Variants in FAT3 observed in about 807,000 individuals in gnomAD.
The protein encoded by FAT3 is FAT atypical cadherin 3, also known as protocadherin Fat 3.
Under a neutral mutation model 310.2 loss-of-function variants are expected in FAT3, and 95 were observed. The ratio of observed to expected loss-of-function variants is 0.31; its 90% CI spans 0.26 to 0.36. The LOEUF is 0.36. Among genes scored for constraint, FAT3 ranks in the 10% least tolerant of loss-of-function variants. FAT3 has a pLI of 1.00. For missense variants in FAT3, 5,408 were observed against 5,715.6 expected, an observed-to-expected ratio of 0.95 and a Z score of 1.74; for synonymous variants, 2,314 against 2,192.9, an observed-to-expected ratio of 1.06 and a Z score of -1.54.
chr11:92,889,020 G>A (rs1565682281), intron 25 of FAT3, among the ~76,000 whole-genome samples, 169 bp from the exon 26 acceptor site: 1 of 152,122 alleles, frequency 6.6e-6, no homozygotes, highest in East Asian at 1.9e-4. Flanking sequence ...TCTAGATAAA[G>A]GTGTCCACTG....
rs951211711 is a variant in FAT3 at position 92,766,708 on chromosome 11, A to G, written c.4195+1619A>G. On this transcript the variant is annotated intron_variant, in intron 6 of 27. Transcript: ENST00000525166. ...TTCATTGCTACTCAACATATTTGAA[A>G]TGAAACTTCTTCTGATCCATGAAAG... is the stretch of plus-strand genomic sequence containing the variant. 3 of 152,248 alleles carry G rather than the reference A, an allele frequency of 2.0e-5. No individual in the cohort carries two copies. In the East Asian group the frequency reaches 5.8e-4, roughly 29 times the overall value. 9.4% of individuals were successfully genotyped at this position (152,248 alleles called of 1,614,324 possible). A position where few individuals can be genotyped will look rare whatever the true frequency, so the allele number is the denominator to read the frequency against.
intron 22 of FAT3, among the ~76,000 whole-genome samples, chr11:92,875,755 G>A (rs1385132799): frequency 6.6e-6 from 1 of 152,146 alleles, no homozygotes; most frequent in Admixed American, 6.6e-5. Context: ...CTATGACTTA[G>A]GCACTCAGTC....
chr11:92,606,592 T>A (rs1336183721), intron 3 of FAT3, among the ~76,000 whole-genome samples: 1 of 152,196 alleles, frequency 6.6e-6, no homozygotes, highest in Non-Finnish European at 1.5e-5. Flanking sequence ...ATTTGTTGAG[T>A]GCTGTCTCAG....
chr11:92,270,191 T>C (rs1251228534), intron 1 of FAT3, among the ~76,000 whole-genome samples: 2 of 152,158 alleles, frequency 1.3e-5, no homozygotes, highest in African/African-American at 4.8e-5. Flanking sequence ...CTTTATATTC[T>C]GGACTTCAAT....
chr11:92,746,064 G>A lies in FAT3; in HGVS notation c.3670-15792G>A, dbSNP rs137891438. On this transcript the variant is annotated intron_variant, in intron 4 of 27. Transcript: ENST00000525166. ...GGTTCCCTTGGTTCCATGGATCAGA[G>A]CATTTTCAGTTTGAGCATTTTCAAA... Among the ~76,000 whole-genome samples, 255 of 152,340 alleles carry A rather than the reference G, an allele frequency of 1.7e-3. 1 individual carries two copies. Among genetic ancestry groups the A allele is most frequent in the African/African-American group, 5.6e-3 (231 of 41,578 alleles).
In FAT3 at chr11:92,750,178, C is replaced by G. The variant is rs1945791342; in HGVS notation, c.3670-11678C>G. On this transcript the variant is annotated intron_variant, in intron 4 of 27. Transcript: ENST00000525166. ...TTCTTCCCAGCCCAGAACCTGTCAG[C>G]TTGGCCCTGAGACTTTTGATAATGA... 2.0e-5 allele frequency among the ~76,000 whole-genome samples: 3 copies of G among 152,136 alleles called. No individual in the cohort carries two copies. The South Asian group carries it at 6.2e-4, about 32-fold the overall frequency.
At chr11:92,611,235 A>G (rs1357852774) in intron 3 of FAT3, among the ~76,000 whole-genome samples, 1 of 151,952 alleles carries the variant, frequency 6.6e-6, no homozygotes, top group East Asian at 1.9e-4. Flanking sequence ...GTGATCCTCC[A>G]TCCTCAGCCT....
At chr11:92,761,656 G>A (rs1384012369) in intron 4 of FAT3, among the ~76,000 whole-genome samples, 200 bp from the exon 5 acceptor site, 1 of 151,966 alleles carries the variant, frequency 6.6e-6, no homozygotes, top group Non-Finnish European at 1.5e-5. Context: ...ACCACATATG[G>A]GCAGTTAGAG....
chr11:92,338,859 C>T (rs1948164650), intron 1 of FAT3, among the ~76,000 whole-genome samples: 1 of 152,070 alleles, frequency 6.6e-6, no homozygotes, highest in African/African-American at 2.4e-5. Context: ...CCTTAATTAT[C>T]TGTTGTGGGT....
At chr11:92,856,836 C>T (rs1483448447) in intron 19 of FAT3, among the ~76,000 whole-genome samples, 1 of 152,104 alleles carries the variant, frequency 6.6e-6, no homozygotes, top group African/African-American at 2.4e-5. Flanking sequence ...ATTCAAATAG[C>T]CTCCAATCTG....
chr11:92,800,088 C>T lies in FAT3; in HGVS notation c.7075C>T (p.His2359Tyr), dbSNP rs80046666. ...AATGCTGGACCATGAGTTAGTACAA[C>T]ACTGCACTTTGAAAGTCAGATCAAT... Reference protein sequence around the residue: ...ARMLDHELVQHCTLKVRSIDS... With the variant: ...ARMLDHELVQYCTLKVRSIDS... The change falls in exon 10 of 28, where the codon CAC becomes TAC. Residue 2359 changes from histidine to tyrosine, a missense_variant. Transcript: ENST00000525166. 1.8e-3 allele frequency: 2,883 copies of T among 1,613,974 alleles called. 49 individuals carry two copies. In the African/African-American group the frequency reaches 0.033, roughly 18 times the overall value.
chr11:92,562,655 G>A (rs1474959870), intron 3 of FAT3, among the ~76,000 whole-genome samples: 1 of 152,192 alleles, frequency 6.6e-6, no homozygotes, highest in East Asian at 1.9e-4. Context: ...GTTAGAGTCA[G>A]AAGGCCTAAG....
At chr11:92,356,094 C>T (rs1850107198) in intron 2 of FAT3, among the ~76,000 whole-genome samples, 1 of 152,136 alleles carries the variant, frequency 6.6e-6, no homozygotes, top group Non-Finnish European at 1.5e-5. Context: ...ATTTTCATCG[C>T]TTCTGACTTA....
intron 2 of FAT3, among the ~76,000 whole-genome samples, chr11:92,380,000 G>A (rs1481622106): frequency 2.6e-5 from 4 of 152,052 alleles, no homozygotes; most frequent in African/African-American, 9.7e-5. Context: ...GGAAGTAACC[G>A]TGAGAGACAG....
At chr11:92,421,172 A>G (rs1950525985) in intron 2 of FAT3, among the ~76,000 whole-genome samples, 1 of 152,160 alleles carries the variant, frequency 6.6e-6, no homozygotes, top group African/African-American at 2.4e-5. Context: ...TTTTTTGTCA[A>G]ATACCACTTT....
intron 1 of FAT3, among the ~76,000 whole-genome samples, chr11:92,280,133 A>G (rs1017481905): frequency 1.3e-5 from 2 of 152,178 alleles, no homozygotes; most frequent in Admixed American, 6.6e-5. Flanking sequence ...CTAGTGCTAA[A>G]GTGTCCTTCC....
At chr11:92,409,166 C>G (rs532679135) in intron 2 of FAT3, among the ~76,000 whole-genome samples, 224 of 152,132 alleles carry the variant, frequency 1.5e-3, no homozygotes, top group African/African-American at 4.9e-3. Flanking sequence ...AATTCTTATT[C>G]ATGATTTTAG....
chr11:92,588,949 C>T (rs140908806), intron 3 of FAT3, among the ~76,000 whole-genome samples: 1 of 148,210 alleles, frequency 6.7e-6, no homozygotes, highest in East Asian at 2.1e-4. Context: ...CAAAATGCAG[C>T]GGCATAATGA....
chr11:92,619,888 T>C (rs1941002818), intron 3 of FAT3, among the ~76,000 whole-genome samples: 1 of 152,062 alleles, frequency 6.6e-6, no homozygotes, highest in Non-Finnish European at 1.5e-5. Context: ...AGGTTTAATT[T>C]GCTCTTCCTT....
Sources: allele counts gnomAD v4.1 joint callset (sites outside exome capture counted in the v4.1 genomes callset), GRCh38; gene constraint gnomAD v4.1.1; transcripts MANE v1.5; gene names NCBI Gene and HGNC (gene_info 2026-07-23, HGNC 2026-07-21).